The following MAN1B1 variants were observed in gnomAD, a reference collection of about 807,000 sequenced individuals.
MAN1B1 encodes the protein mannosidase alpha class 1B member 1.
In MAN1B1, 66 loss-of-function variants were observed where a neutral mutation model predicts 75.5. The ratio of observed to expected loss-of-function variants is 0.87; its 90% CI spans 0.72 to 1.07. The LOEUF (loss-of-function observed/expected upper bound fraction) is 1.07, where lower values mean the gene tolerates loss of function less well. Among genes scored for constraint, MAN1B1 ranks in the 50% least tolerant of loss-of-function variants. MAN1B1 has a pLI of 0.00. For missense variants in MAN1B1, 973 were observed against 912.5 expected, an observed-to-expected ratio of 1.07 and a Z score of -0.85; for synonymous variants, 453 against 382.8, an observed-to-expected ratio of 1.18 and a Z score of -2.14.
chr9:137,092,754 C>T (rs1188984778), intron 3 of MAN1B1, among the ~76,000 whole-genome samples: 1 of 152,146 alleles, frequency 6.6e-6, no homozygotes, highest in Non-Finnish European at 1.5e-5. Flanking sequence ...TGGGCATTCT[C>T]GTGTCGGCAA....
chr9:137,091,521 A>ATTTTTTTTTTTTTTTTTTTTTT (rs964752016), intron 3 of MAN1B1, among the ~76,000 whole-genome samples: 2 of 89,922 alleles, frequency 2.2e-5, no homozygotes, highest in African/African-American at 3.6e-5. Flanking sequence ...TTTGTTTTAT[A>ATTTTTTTTTTTTTTTTTTTTTT]TTTTTTTTTT....
intron 3 of MAN1B1, among the ~76,000 whole-genome samples, chr9:137,089,574 C>T (rs1246727107): frequency 6.6e-6 from 1 of 152,152 alleles, no homozygotes; most frequent in African/African-American, 2.4e-5. Context: ...TTGGCTCAGT[C>T]CAGCTGTGGT....
At chr9:137,090,011 A>C (rs1019124328) in intron 3 of MAN1B1, among the ~76,000 whole-genome samples, 1 of 151,952 alleles carries the variant, frequency 6.6e-6, no homozygotes, top group African/African-American at 2.4e-5. Context: ...CGTTGGAAGA[A>C]GGGGCCAGGC....
intron 1 of MAN1B1, 102 bp downstream of exon 1, chr9:137,087,320 C>T (rs1326866928): frequency 1.5e-6 from 2 of 1,308,428 alleles, no homozygotes; most frequent in Admixed American, 2.3e-5. Flanking sequence ...CTCGACTCCC[C>T]AGGCGCCGCC....
chr9:137,087,387 G>A, intron 1 of MAN1B1, 169 bp downstream of exon 1: 1 of 878,240 alleles, frequency 1.1e-6, no homozygotes, highest in Non-Finnish European at 1.8e-6. Flanking sequence ...TGGGGCAGCC[G>A]TGGGCGGCTC....
intron 3 of MAN1B1, among the ~76,000 whole-genome samples, chr9:137,093,404 C>T (rs1272260104): frequency 6.6e-6 from 1 of 152,032 alleles, no homozygotes; most frequent in Non-Finnish European, 1.5e-5. Flanking sequence ...AAGTGATCTC[C>T]ATCACAATCA....
chr9:137,106,015 GAGTC>G (rs1261820558), intron 8 of MAN1B1, 106 bp from the exon 9 acceptor site: 1 of 848,198 alleles, frequency 1.2e-6, no homozygotes, highest in Non-Finnish European at 2.0e-6. Flanking sequence ...TCTCTGCTGG[GAGTC>G]AGTCGGTGCT....
At chr9:137,100,157 T>C (rs982879532) in intron 6 of MAN1B1, among the ~76,000 whole-genome samples, 2 of 152,222 alleles carry the variant, frequency 1.3e-5, no homozygotes, top group African/African-American at 4.8e-5. Context: ...GCTGTGCTTC[T>C]CTTGCAGCTG....
rs1830392706 is a variant in MAN1B1, at chr9:137,087,123, C to T, written c.124C>T (p.Pro42Ser). The T allele has an allele frequency of 6.3e-7, 1 of 1,592,304 alleles. No individual in the cohort carries two copies. The highest frequency in any genetic ancestry group is 8.5e-7 in the Non-Finnish European group (1 of 1,170,918). ...ATTVVMYPPP[P>S]PPPHRDFISV... ...CACTGTAGTCATGTACCCACCGCCG[C>T]CGCCGCCGCCTCATCGGGACTTCAT... Residue 42 changes from proline (P) to serine (S), a missense_variant, in exon 1 of 13, where the codon CCG becomes TCG. Coordinates refer to ENST00000371589, the MANE Select transcript of MAN1B1 (RefSeq NM_016219.5).
intron 8 of MAN1B1, chr9:137,104,709 CG>C (rs1475076371): frequency 6.3e-5 from 10 of 158,852 alleles, no homozygotes; most frequent in Admixed American, 5.9e-4. Context: ...GCTGTAAGCG[CG>C]GGTGCACACG....
Position 137,099,741 on chromosome 9 carries a change from A to T in MAN1B1, c.776A>T (p.His259Leu). The change falls in exon 6 of 13, where the codon CAT becomes CTT. Residue 259 changes from histidine to leucine, a missense_variant. Physicochemically the swap from His to Leu is moderately conservative, Grantham distance 99. Coordinates refer to ENST00000371589, the MANE Select transcript of MAN1B1 (RefSeq NM_016219.5). ...RQKGVIDVFLHAWKGYRKFAW... is the reference protein window; with the variant it reads ...RQKGVIDVFLLAWKGYRKFAW... ...AAGGGCGTGATTGACGTCTTCCTGC[A>T]TGCATGGAAAGGATACCGCAAGTTT... is the stretch of plus-strand genomic sequence containing the variant. The T allele has an allele frequency of 6.2e-7, 1 of 1,614,212 alleles. No individual in the cohort carries two copies. The highest frequency in any genetic ancestry group is 1.1e-5 in the South Asian group (1 of 91,082).
intron 3 of MAN1B1, chr9:137,089,247 C>G (rs1830459577): frequency 1.8e-6 from 1 of 559,566 alleles, no homozygotes; most frequent in Non-Finnish European, 3.2e-6. Context: ...TTGAATAAGA[C>G]AGACCTGTTT....
In MAN1B1 at chr9:137,101,673, G is replaced by A. The variant is rs769815555; in HGVS notation, c.1254+1G>A. The A allele has an allele frequency of 1.2e-6, 2 of 1,611,804 alleles. No homozygotes were observed. Among genetic ancestry groups the A allele is most frequent in the East Asian group, 4.5e-5 (2 of 44,860 alleles). ...TCTCACAGGGGATAAGAAGTTTCAGGTAAGGGGGCAGGCTTTCTGGCTGGA... is the reference window on the plus strand; with the variant it reads ...TCTCACAGGGGATAAGAAGTTTCAGATAAGGGGGCAGGCTTTCTGGCTGGA... On this transcript the variant is annotated splice_donor_variant, in intron 8 of 12. Transcript: ENST00000371589. LOFTEE classifies it high-confidence loss of function.
Position 137,087,066 on chromosome 9 carries a change from C to T in MAN1B1, c.67C>T (p.Pro23Ser). 3.7e-6 allele frequency: 6 copies of T among 1,603,942 alleles called. No individual in the cohort carries two copies. The highest frequency in any genetic ancestry group is 5.1e-6 in the Non-Finnish European group (6 of 1,176,894). Residue 23 changes from proline to serine, a missense_variant, in exon 1 of 13, where the codon CCA (proline) becomes TCA (serine). Transcript: ENST00000371589. ...GSSQSDFLTP[P>S]VGGAPWAVAT... ...CTCTCAGTCGGACTTCCTGACGCCGCCAGTGGGCGGGGCCCCTTGGGCCGT... is the reference window on the plus strand; with the variant it reads ...CTCTCAGTCGGACTTCCTGACGCCGTCAGTGGGCGGGGCCCCTTGGGCCGT...
At position 137,101,665 on chromosome 9, in the gene MAN1B1, AG is replaced by A; in HGVS notation, c.1248del (p.Lys416AsnfsTer9). ...CTCTCCCGTCTCACAGGGGATAAGAAGTTTCAGGTAAGGGGGCAGGCTTTCT... is the reference window on the plus strand; with the variant it reads ...CTCTCCCGTCTCACAGGGGATAAGAATTTCAGGTAAGGGGGCAGGCTTTCT... ...RELSRLTGDK[K>X]FQEAVEKVTQ... On this transcript the variant is annotated frameshift_variant, in exon 8 of 13. Transcript: ENST00000371589. LOFTEE classifies it high-confidence loss of function. The A allele has an allele frequency of 6.2e-7, 1 of 1,612,242 alleles. No homozygotes were observed. Among genetic ancestry groups the A allele is most frequent in the Non-Finnish European group, 8.5e-7 (1 of 1,179,004 alleles).
chr9:137,088,552 C>A, intron 2 of MAN1B1: 2 of 910,462 alleles, frequency 2.2e-6, no homozygotes, highest in Non-Finnish European at 1.7e-6. Flanking sequence ...AGAATCTCTT[C>A]TCACTTGGTC....
At chr9:137,107,853 A>G (rs1263120133) in intron 12 of MAN1B1, 191 bp downstream of exon 12, 1 of 741,298 alleles carries the variant, frequency 1.3e-6, no homozygotes, top group Admixed American at 2.3e-5. Flanking sequence ...ACTGAGCTTC[A>G]TGGTTGTGGG....
intron 12 of MAN1B1, 78 bp downstream of exon 12, chr9:137,107,740 TC>T: frequency 6.2e-7 from 1 of 1,603,812 alleles, no homozygotes; most frequent in Non-Finnish European, 8.5e-7. Context: ...TCAGGCTGGC[TC>T]CGCTCTTGGT....
At chr9:137,102,584 G>A (rs1170974849) in intron 8 of MAN1B1, 1 of 424,968 alleles carries the variant, frequency 2.4e-6, no homozygotes, top group African/African-American at 2.2e-5. Flanking sequence ...GTGCAGGTCG[G>A]TGCTGTTACA....
Sources: gnomAD v4.1 joint callset for allele counts (sites outside exome capture counted in the v4.1 genomes callset) on GRCh38, gnomAD v4.1.1 for gene constraint, MANE v1.5 for transcripts, NCBI Gene and HGNC (gene_info 2026-07-23, HGNC 2026-07-21) for gene names.